The following DTNA variants were observed in gnomAD, a reference collection of about 807,000 sequenced individuals.
The protein encoded by DTNA is dystrobrevin alpha, also known as dystrophin-related protein 3.
Under a neutral mutation model 100.7 loss-of-function variants are expected in DTNA, and 43 were observed. That is an observed-to-expected ratio of 0.43 (90% confidence interval 0.33 to 0.55). DTNA has a LOEUF of 0.55. Ranked by LOEUF, DTNA falls within the 20% of genes least tolerant of loss-of-function variation. DTNA has a pLI of 0.04. For missense variants in DTNA, 798 were observed against 953.9 expected (o/e 0.84, Z 2.15); for synonymous variants, 349 against 347.9 (o/e 1.00, Z -0.04).
At chr18:34,761,126 T>TCACACACACA (rs6146260) in intron 2 of DTNA, among the ~76,000 whole-genome samples, 7 of 149,202 alleles carry the variant, frequency 4.7e-5, no homozygotes, top group African/African-American at 1.5e-4. Flanking sequence ...CCTCCATCCT[T>TCACACACACA]CACACACACA....
chr18:34,867,831 C>T, intron 17 of DTNA: 1 of 985,590 alleles, frequency 1.0e-6, no homozygotes, highest in Non-Finnish European at 1.2e-6. Context: ...TCCTCTCCAC[C>T]AAGCCCCTCA....
chr18:34,515,938 TAAAC>T (rs1254258792), intron 1 of DTNA, among the ~76,000 whole-genome samples: 3 of 152,130 alleles, frequency 2.0e-5, no homozygotes, highest in African/African-American at 7.2e-5. Context: ...AGAGAGAAGC[TAAAC>T]AAACTGCTCA....
intron 22 of DTNA, among the ~76,000 whole-genome samples, chr18:34,887,444 C>T (rs143965161): frequency 5.6e-4 from 86 of 152,276 alleles, no homozygotes; most frequent in Non-Finnish European, 8.4e-4. Flanking sequence ...AATCATGGGT[C>T]ACTGGTTTTA....
chr18:34,815,085 C>T (rs1253648590), intron 6 of DTNA, among the ~76,000 whole-genome samples: 1 of 151,764 alleles, frequency 6.6e-6, no homozygotes, highest in Admixed American at 6.6e-5. Flanking sequence ...ATAATGAGAC[C>T]CCATCTTTCA....
At chr18:34,656,226 T>C (rs1255825106) in intron 1 of DTNA, among the ~76,000 whole-genome samples, 1 of 152,246 alleles carries the variant, frequency 6.6e-6, no homozygotes, top group Non-Finnish European at 1.5e-5. Context: ...TTATGAATTT[T>C]ATTTCCAATT....
intron 1 of DTNA, among the ~76,000 whole-genome samples, chr18:34,644,916 A>G (rs1379756233): frequency 1.3e-5 from 2 of 152,124 alleles, no homozygotes; most frequent in African/African-American, 4.8e-5. Context: ...AAATATTTTA[A>G]TGTATACTAA....
chr18:34,815,851 T>C lies in DTNA; in HGVS notation c.604-58T>C. The C allele has an allele frequency of 2.9e-6, 4 of 1,361,078 alleles. No individual in the cohort carries two copies. The South Asian group carries it at 4.7e-5, about 16-fold the overall frequency. The allele number at this position is 1,361,078 out of a possible 1,614,324, so 84.3% of individuals were successfully genotyped here. ...AGTCTCAAATGATATGATATTTACA[T>C]AGCAGGTAAATTGAGATGATTCTCT... On this transcript the variant is annotated intron_variant, in intron 6 of 22. Coordinates refer to ENST00000444659, the MANE Select transcript of DTNA (RefSeq NM_001386795.1).
intron 12 of DTNA, 74 bp from the exon 13 acceptor site, chr18:34,838,671 C>T: frequency 7.5e-7 from 1 of 1,325,628 alleles, no homozygotes; most frequent in Non-Finnish European, 1.1e-6. Context: ...ACCAAAAACT[C>T]ACTCCTACCT....
chr18:34,801,584 C>T (rs1186468912), intron 4 of DTNA, among the ~76,000 whole-genome samples: 3 of 150,098 alleles, frequency 2.0e-5, no homozygotes, highest in African/African-American at 7.4e-5. Context: ...GATCTTGGCT[C>T]ACTGCAATCT....
chr18:34,750,012 T>C (rs1338002991), intron 1 of DTNA, among the ~76,000 whole-genome samples: 2 of 152,202 alleles, frequency 1.3e-5, no homozygotes, highest in African/African-American at 4.8e-5. Flanking sequence ...ATGGCCTTCA[T>C]TGTGGTTATT....
intron 1 of DTNA, among the ~76,000 whole-genome samples, chr18:34,685,280 T>C (rs2078716656): frequency 6.6e-6 from 1 of 152,208 alleles, no homozygotes; most frequent in Non-Finnish European, 1.5e-5. Context: ...AGGTCTTACA[T>C]TTAAGTCTTT....
chr18:34,819,214 AC>A (rs1602615348), intron 8 of DTNA, among the ~76,000 whole-genome samples: 1 of 152,298 alleles, frequency 6.6e-6, no homozygotes, highest in East Asian at 1.9e-4. Flanking sequence ...TTTCAATTCA[AC>A]CTTTAGTCTT....
intron 1 of DTNA, chr18:34,593,641 T>C (rs572497922): frequency 6.6e-6 from 1 of 152,362 alleles, no homozygotes; most frequent in Admixed American, 6.5e-5. Flanking sequence ...GATTTTTCAG[T>C]GTTGTAGCTT....
chr18:34,543,815 G>T (rs571578629), intron 1 of DTNA, among the ~76,000 whole-genome samples: 2 of 152,040 alleles, frequency 1.3e-5, no homozygotes, highest in African/African-American at 4.8e-5. Context: ...TTTAATATTC[G>T]ATTCACTGAA....
chr18:34,741,524 C>T (rs1007707085), intron 1 of DTNA, among the ~76,000 whole-genome samples: 15 of 152,094 alleles, frequency 9.9e-5, no homozygotes, highest in African/African-American at 2.4e-4. Flanking sequence ...TCAGGAAACT[C>T]GAGATTCAAA....
chr18:34,518,765 A>G (rs1217873786), intron 1 of DTNA, among the ~76,000 whole-genome samples: 1 of 149,582 alleles, frequency 6.7e-6, no homozygotes, highest in Non-Finnish European at 1.5e-5. Flanking sequence ...TGTGTGAGAC[A>G]CTATTAGGTA....
intron 1 of DTNA, among the ~76,000 whole-genome samples, chr18:34,619,371 A>G (rs990749385): frequency 1.3e-5 from 2 of 152,198 alleles, no homozygotes. Flanking sequence ...CCACAGTCTG[A>G]AAGAAAGAAT....
At chr18:34,719,207 G>A (rs2084729886) in intron 1 of DTNA, among the ~76,000 whole-genome samples, 1 of 151,980 alleles carries the variant, frequency 6.6e-6, no homozygotes, top group South Asian at 2.1e-4. Context: ...CAGGCATGGT[G>A]GTGTGGGTCT....
chr18:34,703,547 G>T (rs16965782), intron 1 of DTNA, among the ~76,000 whole-genome samples: 12,039 of 151,972 alleles, frequency 0.079, 603 homozygotes, highest in African/African-American at 0.12. Context: ...TCACTATGAG[G>T]CTCCAAACAG....
Sources: allele counts gnomAD v4.1 joint callset (sites outside exome capture counted in the v4.1 genomes callset), GRCh38; gene constraint gnomAD v4.1.1; transcripts MANE v1.5; gene names NCBI Gene and HGNC (gene_info 2026-07-23, HGNC 2026-07-21).